Variants in CELF2 observed in about 807,000 individuals in gnomAD.
CELF2 encodes the protein CUG triplet repeat RNA-binding protein 2.
A neutral mutation model predicts 62.6 loss-of-function variants in CELF2; 8 were observed. That is an observed-to-expected ratio of 0.13 (90% confidence interval 0.07 to 0.23). The LOEUF (loss-of-function observed/expected upper bound fraction) is 0.23, where lower values mean the gene tolerates loss of function less well. Ranked by LOEUF, CELF2 falls within the 10% of genes least tolerant of loss-of-function variation. The probability of loss-of-function intolerance (pLI) is 1.00; values close to 1 mark genes in which losing one functional copy is unlikely to be tolerated. For missense variants in CELF2, 333 were observed against 671.0 expected (o/e 0.50, Z 5.56); for synonymous variants, 258 against 250.0 (o/e 1.03, Z -0.30).
At chr10:10,922,985 T>G (rs2065063797) in intron 2 of CELF2, 1 of 152,198 alleles carries the variant, frequency 6.6e-6, no homozygotes, top group Admixed American at 6.5e-5. Flanking sequence ...TTATTTCTTT[T>G]GCTAGTGTTT....
chr10:10,820,732 G>C (rs1288368827), intron 1 of CELF2, among the ~76,000 whole-genome samples: 1 of 152,222 alleles, frequency 6.6e-6, no homozygotes, highest in Non-Finnish European at 1.5e-5. Flanking sequence ...CCATATGGGA[G>C]TCAACCAGCG....
At chr10:11,047,104 G>C (rs1359511891) in intron 1 of CELF2, among the ~76,000 whole-genome samples, 2 of 152,066 alleles carry the variant, frequency 1.3e-5, no homozygotes, top group Non-Finnish European at 2.9e-5. Flanking sequence ...AGAGGAAAAT[G>C]ATGTTTTCCT....
chr10:11,120,844 G>A (rs935186087), intron 1 of CELF2, among the ~76,000 whole-genome samples: 7 of 152,188 alleles, frequency 4.6e-5, no homozygotes, highest in Non-Finnish European at 2.9e-5. Flanking sequence ...ACTACAGTTA[G>A]CGCTGAGGCT....
the CELF2 span, among the ~76,000 whole-genome samples, chr10:10,658,189 C>A: frequency 6.6e-6 from 1 of 152,090 alleles, no homozygotes; most frequent in African/African-American, 2.4e-5. Context: ...CAAAAAAAAC[C>A]CTAATACATG....
At chr10:10,492,392 A>G in the CELF2 span, among the ~76,000 whole-genome samples, 3 of 152,236 alleles carry the variant, frequency 2.0e-5, no homozygotes, top group African/African-American at 4.8e-5. Context: ...GCACACCAAC[A>G]TGGCACATAG....
At chr10:11,115,771 C>T (rs923025289) in intron 1 of CELF2, among the ~76,000 whole-genome samples, 8 of 152,214 alleles carry the variant, frequency 5.3e-5, no homozygotes, top group Admixed American at 2.6e-4. Context: ...ATTCAAGTTA[C>T]TCATCACCAC....
chr10:10,793,560 A>T (rs912702766), upstream of CELF2, among the ~76,000 whole-genome samples: 4 of 152,240 alleles, frequency 2.6e-5, no homozygotes, highest in East Asian at 7.7e-4. Context: ...ACAAAACATC[A>T]GTTTCAATGC....
In CELF2 at chr10:11,203,123, A is replaced by G. The variant is rs747624320; in HGVS notation, c.272-14302A>G. Among the ~76,000 whole-genome samples the G allele has an allele frequency of 1.9e-4, 29 of 152,102 alleles. 1 individual carries two copies. Among genetic ancestry groups the G allele is most frequent in the Non-Finnish European group, 4.1e-4 (28 of 68,016 alleles). On this transcript the variant is annotated intron_variant, in intron 2 of 12. Transcript: ENST00000633077. Reference sequence around the variant, plus strand: ...AATAGAATCAGTGTCATTGGCAATGATTGAGAAAAATGAAAGTTTTTAGAT... The same window carrying G: ...AATAGAATCAGTGTCATTGGCAATGGTTGAGAAAAATGAAAGTTTTTAGAT...
the CELF2 span, among the ~76,000 whole-genome samples, chr10:10,469,556 T>C: frequency 6.6e-6 from 1 of 152,044 alleles, no homozygotes; most frequent in African/African-American, 2.4e-5. Context: ...TTGCTAATAC[T>C]TTTATTAAGA....
At chr10:10,476,076 C>T in the CELF2 span, among the ~76,000 whole-genome samples, 1 of 152,072 alleles carries the variant, frequency 6.6e-6, no homozygotes, top group Non-Finnish European at 1.5e-5. Context: ...CGTTGGTTAG[C>T]ATGGCTTAGT....
chr10:10,835,747 G>A (rs1277817568), intron 1 of CELF2, among the ~76,000 whole-genome samples: 4 of 152,104 alleles, frequency 2.6e-5, no homozygotes, highest in Non-Finnish European at 5.9e-5. Context: ...TGCATGCCAC[G>A]GTAGAAAAAG....
chr10:11,323,423 A>AT lies in CELF2; in HGVS notation c.1294+2037_1294+2038insT, dbSNP rs1309653683. 2.3e-4 allele frequency among the ~76,000 whole-genome samples: 26 copies of AT among 115,142 alleles called. No homozygotes were observed. The East Asian group carries it at 3.0e-3, about 13-fold the overall frequency. The allele number at this position is 115,142 out of a possible 152,430, so 75.5% of individuals were successfully genotyped here. A position where few individuals can be genotyped will look rare whatever the true frequency, so the allele number is the denominator to read the frequency against. ...AAAGCAAATGATGCCAGGCAGAGCAAAAATAATAATAATAATAATAATAAT... is the reference window on the plus strand; with the variant it reads ...AAAGCAAATGATGCCAGGCAGAGCAATAAATAATAATAATAATAATAATAAT... On this transcript the variant is annotated intron_variant, in intron 11 of 12. Transcript: ENST00000633077.
chr10:11,103,126 C>T (rs1285196079), intron 1 of CELF2, among the ~76,000 whole-genome samples: 1 of 152,144 alleles, frequency 6.6e-6, no homozygotes, highest in Non-Finnish European at 1.5e-5. Context: ...CTCCCTTTTC[C>T]AACCTCTTGT....
chr10:10,842,900 C>T (rs1366263605), intron 1 of CELF2, among the ~76,000 whole-genome samples: 1 of 151,976 alleles, frequency 6.6e-6, no homozygotes, highest in African/African-American at 2.4e-5. Flanking sequence ...GTGGATTCAC[C>T]AGCGGAACCA....
rs990412073 is a variant in CELF2, at chr10:11,255,574, T to C, written c.404-2164T>C. Reference sequence around the variant, plus strand: ...GTGCACGATTCGTAGTTTACAAGTATTGTGGAATCGTGCCTTTCAACTTGT... The same window carrying C: ...GTGCACGATTCGTAGTTTACAAGTACTGTGGAATCGTGCCTTTCAACTTGT... On this transcript the variant is annotated intron_variant, in intron 4 of 12. Coordinates refer to ENST00000633077, the MANE Select transcript of CELF2 (RefSeq NM_001326342.2). This position sits in a 1 kb window ranked among gnomAD's most constrained non-coding sequence, Gnocchi z 5.5. Among the ~76,000 whole-genome samples the C allele has an allele frequency of 2.0e-5, 3 of 152,166 alleles. No homozygotes were observed. The highest frequency in any genetic ancestry group is 7.2e-5 in the African/African-American group (3 of 41,428).
chr10:11,254,124 T>C (rs948051773), intron 4 of CELF2, among the ~76,000 whole-genome samples: 2 of 152,212 alleles, frequency 1.3e-5, no homozygotes, highest in South Asian at 4.1e-4. Flanking sequence ...ACTGTGTTCT[T>C]GTAGAATGTT....
intron 1 of CELF2, among the ~76,000 whole-genome samples, chr10:10,813,770 C>G (rs1329651852): frequency 6.6e-6 from 1 of 152,166 alleles, no homozygotes; most frequent in Admixed American, 6.5e-5. Context: ...TTTACAAAAA[C>G]AGGTGTTGGG....
chr10:11,293,297 T>C (rs149308880), intron 9 of CELF2, among the ~76,000 whole-genome samples: 137 of 152,374 alleles, frequency 9.0e-4, no homozygotes, highest in African/African-American at 3.1e-3. Context: ...ATGCACATTA[T>C]AAAAAGTATA....
chr10:11,005,287 AG>A, upstream of CELF2: 2 of 1,563,230 alleles, frequency 1.3e-6, no homozygotes, highest in Admixed American at 3.4e-5. The surrounding 1 kb of genome is among the most constrained non-coding windows in gnomAD (Gnocchi z 4.3). Context: ...AGAGAGAGAG[AG>A]AGAGAGGGAG....
Sources: allele counts gnomAD v4.1 joint callset (sites outside exome capture counted in the v4.1 genomes callset), GRCh38; gene constraint gnomAD v4.1.1; non-coding constraint Gnocchi (gnomAD v3.1); transcripts MANE v1.5; gene names NCBI Gene and HGNC (gene_info 2026-07-23, HGNC 2026-07-21).